The following TRPM3 variants were observed in gnomAD, a reference collection of about 807,000 sequenced individuals.
TRPM3 encodes the protein long transient receptor potential channel 3.
In TRPM3, 77 loss-of-function variants were observed where a neutral mutation model predicts 181.2. The ratio of observed to expected loss-of-function variants is 0.42; its 90% CI spans 0.35 to 0.51. The LOEUF is 0.51. Ranked by LOEUF, TRPM3 falls within the 20% of genes least tolerant of loss-of-function variation. The probability of loss-of-function intolerance (pLI) is 0.01; values close to 1 mark genes in which losing one functional copy is unlikely to be tolerated. For missense variants in TRPM3, 1,759 were observed against 2,196.7 expected (o/e 0.80, Z 3.98); for synonymous variants, 745 against 796.4 (o/e 0.94, Z 1.09).
At chr9:70,940,593 A>G (rs34871272) in intron 1 of TRPM3, among the ~76,000 whole-genome samples, 12,102 of 152,278 alleles carry the variant, frequency 0.079, 531 homozygotes, top group African/African-American at 0.099. Flanking sequence ...AAAAAAAGAA[A>G]TATATAAGAG....
At chr9:70,611,209 A>G (rs1382879781) in intron 18 of TRPM3, among the ~76,000 whole-genome samples, 1 of 151,866 alleles carries the variant, frequency 6.6e-6, no homozygotes, top group African/African-American at 2.4e-5. Flanking sequence ...ATTTATCCAA[A>G]GGTTGTGAAT....
At chr9:71,253,753 C>T (rs981442887) in intron 1 of TRPM3, among the ~76,000 whole-genome samples, 69 of 152,274 alleles carry the variant, frequency 4.5e-4, no homozygotes, top group African/African-American at 1.5e-3. Context: ...TCTACACTCC[C>T]ATGTTCCTTG....
chr9:71,208,208 T>G (rs2079245178), intron 1 of TRPM3, among the ~76,000 whole-genome samples: 1 of 152,166 alleles, frequency 6.6e-6, no homozygotes, highest in South Asian at 2.1e-4. Context: ...CTAGCATACC[T>G]GCCTGATAAC....
chr9:70,834,340 TC>T (rs1377893681), intron 5 of TRPM3, among the ~76,000 whole-genome samples: 10 of 152,198 alleles, frequency 6.6e-5, no homozygotes, highest in Non-Finnish European at 1.2e-4. Context: ...ATGGACTTGC[TC>T]CCTTTGCCCA....
intron 1 of TRPM3, among the ~76,000 whole-genome samples, chr9:71,381,074 C>T (rs1450836929): frequency 1.3e-5 from 2 of 152,086 alleles, no homozygotes; most frequent in African/African-American, 4.8e-5. Flanking sequence ...CATGACTACA[C>T]TTAAGAAATA....
intron 1 of TRPM3, chr9:70,917,251 TATC>T: frequency 1.3e-6 from 2 of 1,540,838 alleles, no homozygotes; most frequent in Middle Eastern, 3.4e-4. Flanking sequence ...GTGCATCAGT[TATC>T]ATAAACACCA....
At chr9:70,960,100 T>C (rs1177692194) in intron 1 of TRPM3, among the ~76,000 whole-genome samples, 9 of 152,066 alleles carry the variant, frequency 5.9e-5, no homozygotes, top group African/African-American at 2.2e-4. Flanking sequence ...ATTGCAAGTC[T>C]GCTAATTCAT....
In TRPM3 at chr9:71,282,410, GAA is replaced by G. The variant is rs1157161992; in HGVS notation, c.183+164241_183+164242del. ...AAGGAAAGAAAGAAAGGAAAAGAAA[GAA>G]AAAGAAAAAGAAAGAAAAAAAGAAA... On this transcript the variant is annotated intron_variant, in intron 1 of 24. Coordinates refer to the TRPM3 transcript ENST00000357533. Among the ~76,000 whole-genome samples the G allele has an allele frequency of 1.4e-4, 15 of 106,744 alleles. 2 individuals carry two copies. Among genetic ancestry groups the G allele is most frequent in the Admixed American group, 2.6e-4 (3 of 11,396 alleles). 70.0% of individuals were successfully genotyped at this position (106,744 alleles called of 152,430 possible). A position where few individuals can be genotyped will look rare whatever the true frequency, so the allele number is the denominator to read the frequency against.
intron 1 of TRPM3, among the ~76,000 whole-genome samples, chr9:71,420,339 T>C (rs549376247): frequency 1.3e-5 from 2 of 152,034 alleles, no homozygotes; most frequent in African/African-American, 4.8e-5. Context: ...GGATTTGTCT[T>C]ATATAAATCC....
intron 1 of TRPM3, among the ~76,000 whole-genome samples, chr9:70,868,501 T>A (rs1198533555): frequency 6.6e-6 from 1 of 152,086 alleles, no homozygotes; most frequent in South Asian, 2.1e-4. Context: ...ACAAAGTCTT[T>A]GCTACAAATG....
intron 1 of TRPM3, among the ~76,000 whole-genome samples, chr9:71,299,415 A>C (rs2086576722): frequency 6.6e-6 from 1 of 152,066 alleles, no homozygotes; most frequent in Non-Finnish European, 1.5e-5. Context: ...ATATTCTCCC[A>C]ATCTTACAAA....
At chr9:70,828,984 T>G (rs999703777) in intron 5 of TRPM3, among the ~76,000 whole-genome samples, 1 of 152,144 alleles carries the variant, frequency 6.6e-6, no homozygotes, top group African/African-American at 2.4e-5. Flanking sequence ...GGGTTGGAAA[T>G]CTACTCCTAA....
chr9:71,223,978 G>A (rs2080411254), intron 1 of TRPM3, among the ~76,000 whole-genome samples: 1 of 152,222 alleles, frequency 6.6e-6, no homozygotes, highest in African/African-American at 2.4e-5. Flanking sequence ...ACCCTAAAGG[G>A]AAGAACACAA....
intron 1 of TRPM3, among the ~76,000 whole-genome samples, chr9:70,875,122 G>A (rs900040692): frequency 6.6e-5 from 10 of 151,770 alleles, no homozygotes; most frequent in African/African-American, 2.4e-4. Context: ...CAATAGTAAG[G>A]TAGAACCTGG....
At chr9:70,849,524 A>G (rs1475818542) in intron 3 of TRPM3, among the ~76,000 whole-genome samples, 2 of 152,200 alleles carry the variant, frequency 1.3e-5, no homozygotes, top group Non-Finnish European at 2.9e-5. Context: ...AGGTAGGAAG[A>G]TAAACTAAGA....
chr9:70,540,911 A>G (rs2043157360), intron 25 of TRPM3, among the ~76,000 whole-genome samples: 1 of 152,128 alleles, frequency 6.6e-6, no homozygotes, highest in Non-Finnish European at 1.5e-5. Flanking sequence ...TTGGAGAGAC[A>G]GGGTTTCACC....
chr9:71,106,803 A>G lies in TRPM3; in HGVS notation c.177+14375T>C, dbSNP rs574208650. On this transcript the variant is annotated intron_variant, in intron 1 of 25. Coordinates refer to ENST00000677713, the MANE Select transcript of TRPM3 (RefSeq NM_001366145.2). ...TTTAAAACGTATAAAACAGGATAAAATGTTTCTCCACAATGAGACAGTTTG... is the reference window on the plus strand; with the variant it reads ...TTTAAAACGTATAAAACAGGATAAAGTGTTTCTCCACAATGAGACAGTTTG... Among the ~76,000 whole-genome samples the G allele has an allele frequency of 1.2e-4, 18 of 152,302 alleles. No homozygotes were observed. The Middle Eastern group carries it at 0.017, about 144-fold the overall frequency.
intron 1 of TRPM3, among the ~76,000 whole-genome samples, chr9:71,291,402 T>C (rs1467831423): frequency 1.3e-5 from 2 of 152,154 alleles, no homozygotes; most frequent in African/African-American, 2.4e-5. Flanking sequence ...ACCAACTGTT[T>C]TGCCAGCAGT....
chr9:71,112,774 A>G (rs535207831), intron 1 of TRPM3, among the ~76,000 whole-genome samples: 2 of 152,270 alleles, frequency 1.3e-5, no homozygotes, highest in South Asian at 4.2e-4. Context: ...AGAAATACCC[A>G]CTGATGTTTA....
Sources: gnomAD v4.1 joint callset for allele counts (sites outside exome capture counted in the v4.1 genomes callset) on GRCh38, gnomAD v4.1.1 for gene constraint, MANE v1.5 for transcripts, NCBI Gene and HGNC (gene_info 2026-07-23, HGNC 2026-07-21) for gene names.